Variants in ABLIM2 observed in about 807,000 individuals in gnomAD.
ABLIM2 encodes the protein actin-binding LIM protein 2.
Under a neutral mutation model 97.7 loss-of-function variants are expected in ABLIM2, and 53 were observed. The ratio of observed to expected loss-of-function variants is 0.54; its 90% confidence interval spans 0.44 to 0.68. ABLIM2 has a LOEUF of 0.68. Among genes scored for constraint, ABLIM2 ranks in the 30% least tolerant of loss-of-function variants. The pLI, the probability that ABLIM2 is intolerant of heterozygous loss-of-function variation, is 0.00. For synonymous variants in ABLIM2, 361 were observed against 345.8 expected (o/e 1.04, Z -0.49); for missense variants, 835 against 867.2 (o/e 0.96, Z 0.47).
At chr4:7,987,582 C>T (rs555450750) in intron 17 of ABLIM2, among the ~76,000 whole-genome samples, 2 of 152,288 alleles carry the variant, frequency 1.3e-5, no homozygotes, top group Admixed American at 1.3e-4. Context: ...CCCCCTAGTG[C>T]CCATCGCTCT....
At chr4:8,145,252 C>T (rs1413175537) in intron 1 of ABLIM2, among the ~76,000 whole-genome samples, 1 of 151,716 alleles carries the variant, frequency 6.6e-6, no homozygotes, top group Admixed American at 6.6e-5. Context: ...GGCATGATCT[C>T]AGCTCACTGC....
At position 8,080,618 on chromosome 4, in the gene ABLIM2, C is replaced by G. The variant is rs1393305620; in HGVS notation, c.581+58G>C. The G allele has an allele frequency of 1.7e-5, 25 of 1,497,916 alleles. No individual in the cohort carries two copies. The East Asian group carries it at 5.8e-4, about 35-fold the overall frequency. 92.8% of individuals were successfully genotyped at this position (1,497,916 alleles called of 1,614,324 possible). Reference sequence around the variant, plus strand: ...TGGGGACACGTGCAGAGTGTGGGACCCCCACAGAGTAGGGAAGCCTGAGCG... The same window carrying G: ...TGGGGACACGTGCAGAGTGTGGGACGCCCACAGAGTAGGGAAGCCTGAGCG... On this transcript the variant is annotated intron_variant, in intron 5 of 20. Transcript: ENST00000447017.
rs1283785317 is a variant in ABLIM2, at chr4:8,033,889, C to T, written c.1047+2260G>A. Among the ~76,000 whole-genome samples the T allele has an allele frequency of 6.6e-6, 1 of 152,198 alleles. No homozygotes were observed. The highest frequency in any genetic ancestry group is 1.5e-5 in the Non-Finnish European group (1 of 68,026). ...CAGGACAGGGAGAGATACCAGCCCACCCCAACACACATCACCTCTGCATGT... is the reference window on the plus strand; with the variant it reads ...CAGGACAGGGAGAGATACCAGCCCATCCCAACACACATCACCTCTGCATGT... On this transcript the variant is annotated intron_variant, in intron 10 of 20. Transcript: ENST00000447017. This position sits in a 1 kb window ranked among gnomAD's most constrained non-coding sequence, Gnocchi z 4.5.
At chr4:8,110,675 G>A (rs200605960) in intron 1 of ABLIM2, among the ~76,000 whole-genome samples, 4 of 152,238 alleles carry the variant, frequency 2.6e-5, no homozygotes, top group East Asian at 3.9e-4. Context: ...GGGTGTGGGG[G>A]TGAGGGTTGA....
intron 20 of ABLIM2, among the ~76,000 whole-genome samples, chr4:7,980,948 T>TTTTTTTTTTTTTTTTTA (rs1261228635): frequency 7.9e-6 from 1 of 125,840 alleles, no homozygotes; most frequent in Non-Finnish European, 1.6e-5. Context: ...CTTATTTTTT[T>TTTTTTTTTTTTTTTTTA]TTTTTTTTTT....
intron 1 of ABLIM2, among the ~76,000 whole-genome samples, chr4:8,143,369 G>C (rs557525822): frequency 6.6e-6 from 1 of 152,258 alleles, no homozygotes; most frequent in East Asian, 1.9e-4. Context: ...AGGTGCTATG[G>C]GAGGTACCGG....
chr4:7,993,702 G>C (rs1435239092), intron 16 of ABLIM2, among the ~76,000 whole-genome samples: 1 of 152,126 alleles, frequency 6.6e-6, no homozygotes, highest in Non-Finnish European at 1.5e-5. Context: ...AAAAAATCCT[G>C]AGTTGCTTGC....
chr4:8,050,679 G>A (rs1032639322), intron 8 of ABLIM2, among the ~76,000 whole-genome samples: 4 of 152,158 alleles, frequency 2.6e-5, no homozygotes, highest in Non-Finnish European at 4.4e-5. Context: ...TGCACCTGAC[G>A]GAACAAAACA....
intron 14 of ABLIM2, among the ~76,000 whole-genome samples, chr4:8,018,779 C>A (rs1771357506): frequency 6.6e-6 from 1 of 152,196 alleles, no homozygotes; most frequent in Non-Finnish European, 1.5e-5. Flanking sequence ...ATGGAAATGC[C>A]TTTTCCCATC....
rs1815491421 is a variant in ABLIM2 at position 8,075,567 on chromosome 4, C to T, written c.675+2061G>A. ...AATTAGCCAGGTGTGGTGGCGCACA[C>T]CTGTAGTCCCAGCTGGTCGGGAGGC... On this transcript the variant is annotated intron_variant, in intron 6 of 20. Coordinates refer to ENST00000447017, the MANE Select transcript of ABLIM2 (RefSeq NM_001130083.2). The surrounding 1 kb of genome is among the most constrained non-coding windows in gnomAD (Gnocchi z 4.4). Among the ~76,000 whole-genome samples the T allele has an allele frequency of 6.6e-6, 1 of 152,088 alleles. No homozygotes were observed. Among genetic ancestry groups the T allele is most frequent in the South Asian group, 2.1e-4 (1 of 4,816 alleles).
In ABLIM2 at chr4:7,970,812, A is replaced by T. The variant is rs922209208; in HGVS notation, c.1825-3709T>A. Among the ~76,000 whole-genome samples the T allele has an allele frequency of 6.6e-6, 1 of 151,940 alleles. No individual in the cohort carries two copies. Among genetic ancestry groups the T allele is most frequent in the African/African-American group, 2.4e-5 (1 of 41,378 alleles). ...GCCCTGGGGAGCAGCCTGGTTGGGC[A>T]GACCACAGCAACAGGGAGGGGCCGG... On this transcript the variant is annotated intron_variant, in intron 20 of 20. Coordinates refer to ENST00000447017, the MANE Select transcript of ABLIM2 (RefSeq NM_001130083.2). The surrounding 1 kb of genome is among the most constrained non-coding windows in gnomAD (Gnocchi z 5.3).
chr4:8,106,803 G>A (rs1395616431), intron 1 of ABLIM2, among the ~76,000 whole-genome samples, 166 bp from the exon 2 acceptor site: 1 of 152,248 alleles, frequency 6.6e-6, no homozygotes, highest in East Asian at 1.9e-4. Flanking sequence ...CCTTTTGCCT[G>A]GGGACCCACA....
At chr4:7,983,506 T>A in intron 19 of ABLIM2, 41 bp downstream of exon 19, 1 of 1,612,014 alleles carries the variant, frequency 6.2e-7, no homozygotes, top group Non-Finnish European at 8.5e-7. Flanking sequence ...TGGGCAGGTG[T>A]GGCGCGGCAC....
intron 7 of ABLIM2, among the ~76,000 whole-genome samples, chr4:8,057,573 T>C (rs1326700592): frequency 1.3e-5 from 2 of 152,230 alleles, no homozygotes; most frequent in African/African-American, 4.8e-5. Context: ...AAGAGGCCTG[T>C]GTCCTTGACT....
chr4:8,014,854 G>C (rs958944994), intron 14 of ABLIM2, among the ~76,000 whole-genome samples: 1 of 151,986 alleles, frequency 6.6e-6, no homozygotes, highest in Admixed American at 6.5e-5. Context: ...CCCAGCCAGC[G>C]CCTTTGCCTC....
chr4:7,980,066 G>T (rs1324900710), intron 20 of ABLIM2, among the ~76,000 whole-genome samples: 1 of 152,180 alleles, frequency 6.6e-6, no homozygotes, highest in African/African-American at 2.4e-5. Context: ...ACCTGAAGGA[G>T]ACATTCAGTC....
intron 14 of ABLIM2, among the ~76,000 whole-genome samples, chr4:8,010,982 GC>G (rs1764589098): frequency 6.6e-6 from 1 of 152,244 alleles, no homozygotes. Flanking sequence ...GAGTTGGCTG[GC>G]AAAAATAAGT....
rs907547162 is a variant in ABLIM2 at position 8,113,053 on chromosome 4, C to T, written c.11-6416G>A. Reference sequence around the variant, plus strand: ...TTTCTGTCCAGCGAACCAGCTCTCACGACCCAGACAGCAGAGTCCTCATCA... The same window carrying T: ...TTTCTGTCCAGCGAACCAGCTCTCATGACCCAGACAGCAGAGTCCTCATCA... On this transcript the variant is annotated intron_variant, in intron 1 of 20. Coordinates refer to ENST00000447017, the MANE Select transcript of ABLIM2 (RefSeq NM_001130083.2). This position sits in a 1 kb window ranked among gnomAD's most constrained non-coding sequence, Gnocchi z 4.5. 2.6e-5 allele frequency among the ~76,000 whole-genome samples: 4 copies of T among 152,186 alleles called. No homozygotes were observed. The highest frequency in any genetic ancestry group is 5.9e-5 in the Non-Finnish European group (4 of 68,032).
chr4:8,045,020 A>T, intron 9 of ABLIM2, 144 bp downstream of exon 9: 1 of 715,228 alleles, frequency 1.4e-6, no homozygotes, highest in Non-Finnish European at 2.4e-6. Context: ...ACCCCGAAGC[A>T]GGGACAAGAG....
Sources: allele counts gnomAD v4.1 joint callset (sites outside exome capture counted in the v4.1 genomes callset), GRCh38; gene constraint gnomAD v4.1.1; non-coding constraint Gnocchi (gnomAD v3.1); transcripts MANE v1.5; gene names NCBI Gene and HGNC (gene_info 2026-07-23, HGNC 2026-07-21).